TAFA1: variants seen among roughly 807,000 people sequenced by gnomAD.
The protein encoded by TAFA1 is chemokine-like protein TAFA-1.
TAFA1 carries 4 observed loss-of-function variants against 18.5 expected under a neutral mutation model. The ratio of observed to expected loss-of-function variants is 0.22; its 90% confidence interval spans 0.11 to 0.49. The LOEUF (loss-of-function observed/expected upper bound fraction) is 0.49, where lower values mean the gene tolerates loss of function less well. TAFA1 is among the 20% of genes least tolerant of loss of function. The probability of loss-of-function intolerance (pLI) is 0.98; values close to 1 mark genes in which losing one functional copy is unlikely to be tolerated. For synonymous variants in TAFA1, 56 were observed against 55.2 expected (o/e 1.01, Z -0.06); for missense variants, 147 against 169.0 (o/e 0.87, Z 0.72).
chr3:68,392,109 A>T (rs2070267394), intron 2 of TAFA1, among the ~76,000 whole-genome samples: 1 of 149,930 alleles, frequency 6.7e-6, no homozygotes, highest in Non-Finnish European at 1.5e-5. Context: ...TGTATTCAGG[A>T]GTCCGATCTC....
At position 68,476,518 on chromosome 3, in the gene TAFA1, T is replaced by C. The variant is rs190709933; in HGVS notation, c.259+59098T>C. On this transcript the variant is annotated intron_variant, in intron 3 of 4. Transcript: ENST00000478136. ...GAAATTTTACATCTATTTTTACATA[T>C]CTGGAAGTGTAGAGTAATAATGAAT... 1.1e-3 allele frequency among the ~76,000 whole-genome samples: 166 copies of C among 152,336 alleles called. 1 individual carries two copies. In the South Asian group the frequency reaches 0.011, roughly 10 times the overall value.
At chr3:68,502,599 G>T (rs2106710071) in intron 3 of TAFA1, among the ~76,000 whole-genome samples, 1 of 139,752 alleles carries the variant, frequency 7.2e-6, no homozygotes, top group Non-Finnish European at 1.5e-5. Flanking sequence ...TGAGAAATTA[G>T]AGTTATTTCA....
At chr3:68,450,402 G>C (rs534179636) in intron 3 of TAFA1, among the ~76,000 whole-genome samples, 14 of 152,340 alleles carry the variant, frequency 9.2e-5, no homozygotes, top group Non-Finnish European at 1.9e-4. Flanking sequence ...TGAAGACAAA[G>C]AGGTCTGAGT....
At chr3:68,415,631 G>C (rs1193528900) in intron 2 of TAFA1, among the ~76,000 whole-genome samples, 1 of 152,012 alleles carries the variant, frequency 6.6e-6, no homozygotes, top group Admixed American at 6.6e-5. Context: ...CACCTACAAA[G>C]ATATAAATAA....
At chr3:68,471,286 G>T (rs963955581) in intron 3 of TAFA1, among the ~76,000 whole-genome samples, 3 of 152,194 alleles carry the variant, frequency 2.0e-5, no homozygotes, top group African/African-American at 7.2e-5. Flanking sequence ...GAAGTGTGAG[G>T]TACGAGCCCC....
intron 2 of TAFA1, among the ~76,000 whole-genome samples, chr3:68,334,734 T>C (rs1426919884): frequency 6.6e-6 from 1 of 152,146 alleles, no homozygotes; most frequent in African/African-American, 2.4e-5. Flanking sequence ...GTCTCACTCA[T>C]GTTACATGTC....
At chr3:68,052,085 G>A (rs1283186624) in intron 2 of TAFA1, among the ~76,000 whole-genome samples, 1 of 152,010 alleles carries the variant, frequency 6.6e-6, no homozygotes, top group Admixed American at 6.6e-5. Flanking sequence ...ACACCTGTTT[G>A]ACTCTCAATA....
chr3:68,011,065 C>T (rs772356855), intron 2 of TAFA1, among the ~76,000 whole-genome samples: 3 of 127,916 alleles, frequency 2.3e-5, no homozygotes, highest in Non-Finnish European at 4.6e-5. Context: ...GAGTTTTTCC[C>T]CTTATGGATA....
chr3:68,082,594 C>T (rs2064918889), intron 2 of TAFA1, among the ~76,000 whole-genome samples: 1 of 152,144 alleles, frequency 6.6e-6, no homozygotes, highest in South Asian at 2.1e-4. Flanking sequence ...GTTGTTTGAG[C>T]ACTGAAAGAG....
At chr3:68,298,106 G>A (rs2068242700) in intron 2 of TAFA1, among the ~76,000 whole-genome samples, 1 of 152,274 alleles carries the variant, frequency 6.6e-6, no homozygotes, top group East Asian at 1.9e-4. Flanking sequence ...TTAGGCAGAG[G>A]AAATGTCTGC....
At chr3:68,020,964 T>A (rs972096421) in intron 2 of TAFA1, among the ~76,000 whole-genome samples, 1 of 151,908 alleles carries the variant, frequency 6.6e-6, no homozygotes, top group Non-Finnish European at 1.5e-5. Context: ...TGAGGGTGGA[T>A]CACCTGAGGT....
At chr3:68,312,003 T>A (rs1017305459) in intron 2 of TAFA1, among the ~76,000 whole-genome samples, 1 of 152,228 alleles carries the variant, frequency 6.6e-6, no homozygotes, top group African/African-American at 2.4e-5. Flanking sequence ...AGTTATTGAC[T>A]TCTGTGCCCT....
chr3:68,232,467 T>C (rs554889253), intron 2 of TAFA1, among the ~76,000 whole-genome samples: 6 of 152,344 alleles, frequency 3.9e-5, no homozygotes, highest in African/African-American at 1.4e-4. Context: ...TGATGAACAC[T>C]TTGGTTGCTT....
At chr3:68,227,672 A>G (rs377489449) in intron 2 of TAFA1, among the ~76,000 whole-genome samples, 6 of 152,356 alleles carry the variant, frequency 3.9e-5, no homozygotes, top group South Asian at 4.1e-4. Flanking sequence ...GACCACTTAT[A>G]TATTATGGAC....
Position 68,037,305 on chromosome 3 carries a change from G to A in TAFA1, c.118+30561G>A, listed in dbSNP as rs139307941. On this transcript the variant is annotated intron_variant, in intron 2 of 4. Coordinates refer to ENST00000478136, the MANE Select transcript of TAFA1 (RefSeq NM_213609.4). Reference sequence around the variant, plus strand: ...GAAGGGGCTTTTGTCTGGAGATGACGCCAAAGAGGAAAGGACCAGATGTGC... The same window carrying A: ...GAAGGGGCTTTTGTCTGGAGATGACACCAAAGAGGAAAGGACCAGATGTGC... Among the ~76,000 whole-genome samples the A allele has an allele frequency of 2.3e-3, 352 of 152,216 alleles. 2 individuals are homozygous for A. The highest frequency in any genetic ancestry group is 7.7e-3 in the African/African-American group (321 of 41,540).
chr3:68,208,673 G>A (rs2066556458), intron 2 of TAFA1, among the ~76,000 whole-genome samples: 1 of 151,882 alleles, frequency 6.6e-6, no homozygotes, highest in Non-Finnish European at 1.5e-5. Flanking sequence ...ATCTTTTCAG[G>A]GCCCCAGGGA....
At chr3:68,120,185 C>G (rs1364924661) in intron 2 of TAFA1, among the ~76,000 whole-genome samples, 10 of 23,936 alleles carry the variant, frequency 4.2e-4, no homozygotes, top group African/African-American at 1.2e-3. Context: ...TTCTTTCTTT[C>G]TTTCTTTCTT....
intron 3 of TAFA1, among the ~76,000 whole-genome samples, chr3:68,522,701 T>TG: frequency 6.6e-6 from 1 of 151,642 alleles, no homozygotes; most frequent in African/African-American, 2.4e-5. Context: ...ATACAAAAAT[T>TG]AGCCAGGCAT....
intron 2 of TAFA1, among the ~76,000 whole-genome samples, chr3:68,111,207 C>T (rs1472065409): frequency 6.6e-6 from 1 of 152,136 alleles, no homozygotes; most frequent in African/African-American, 2.4e-5. Flanking sequence ...ATTTCCTAGA[C>T]CACATTTTGG....
Sources: gnomAD v4.1 joint callset for allele counts (sites outside exome capture counted in the v4.1 genomes callset) on GRCh38, gnomAD v4.1.1 for gene constraint, MANE v1.5 for transcripts, NCBI Gene and HGNC (gene_info 2026-07-23, HGNC 2026-07-21) for gene names.